Variants in ASTN2 observed in about 807,000 individuals in gnomAD.
ASTN2 encodes the protein astrotactin 2.
Under a neutral mutation model 139.8 loss-of-function variants are expected in ASTN2, and 54 were observed. That is an observed-to-expected ratio of 0.39 (90% CI 0.31 to 0.48). ASTN2 has a LOEUF of 0.48. ASTN2 is among the 20% of genes least tolerant of loss of function. ASTN2 has a pLI of 0.95. For missense variants in ASTN2, 1,565 were observed against 1,725.1 expected (o/e 0.91, Z 1.64); for synonymous variants, 756 against 719.5 (o/e 1.05, Z -0.81).
At chr9:116,993,155 G>A (rs988235090) in intron 7 of ASTN2, among the ~76,000 whole-genome samples, 2 of 152,162 alleles carry the variant, frequency 1.3e-5, no homozygotes, top group African/African-American at 4.8e-5. Context: ...TTTTTACAAT[G>A]TTCTGCAAGG....
chr9:116,974,387 T>C (rs1281347900), intron 10 of ASTN2, among the ~76,000 whole-genome samples: 2 of 152,106 alleles, frequency 1.3e-5, no homozygotes, highest in African/African-American at 4.8e-5. Context: ...TATGTAAGCA[T>C]CTAATTAGTA....
chr9:117,128,659 G>A (rs1829759687), intron 4 of ASTN2, among the ~76,000 whole-genome samples: 1 of 152,224 alleles, frequency 6.6e-6, no homozygotes, highest in African/African-American at 2.4e-5. Flanking sequence ...CTCCTCCATA[G>A]TTAGCTTGGC....
At position 117,132,954 on chromosome 9, in the gene ASTN2, C is replaced by G. The variant is rs116268823; in HGVS notation, c.1168+8372G>C. On this transcript the variant is annotated intron_variant, in intron 4 of 22. Coordinates refer to ENST00000313400, the MANE Select transcript of ASTN2 (RefSeq NM_001365068.1). The stretch of plus-strand genomic sequence containing the variant: ...CCTGGACAAAAGAATGGCAGATATT[C>G]TCACATCCCCAGATACTGGGGATGA... Among the ~76,000 whole-genome samples the G allele has an allele frequency of 6.5e-3, 986 of 152,248 alleles. 9 individuals are homozygous for G. Among genetic ancestry groups the G allele is most frequent in the African/African-American group, 0.022 (930 of 41,540 alleles).
intron 19 of ASTN2, chr9:116,551,966 C>T (rs1852369149): frequency 6.6e-6 from 1 of 152,130 alleles, no homozygotes; most frequent in Non-Finnish European, 1.5e-5. Flanking sequence ...AATGATATGT[C>T]CAAAAGATTC....
chr9:117,082,284 A>G (rs892375274), intron 5 of ASTN2, among the ~76,000 whole-genome samples: 2 of 152,088 alleles, frequency 1.3e-5, no homozygotes, highest in Non-Finnish European at 2.9e-5. Flanking sequence ...CCCAGTCCCT[A>G]TGCTGGAAAC....
At chr9:117,148,283 T>G (rs1439932302) in intron 3 of ASTN2, among the ~76,000 whole-genome samples, 1 of 152,172 alleles carries the variant, frequency 6.6e-6, no homozygotes, top group Non-Finnish European at 1.5e-5. Flanking sequence ...GTCTGCAGGG[T>G]TCTTGGGACG....
At position 117,034,465 on chromosome 9, in the gene ASTN2, G is replaced by A. The variant is rs149695369; in HGVS notation, c.1423+5354C>T. Reference sequence around the variant, plus strand: ...GAGGCAGCTCCATTAGTAGGGCATTGATAAAGTCAAAGGTGGAGGAAACCA... The same window carrying A: ...GAGGCAGCTCCATTAGTAGGGCATTAATAAAGTCAAAGGTGGAGGAAACCA... On this transcript the variant is annotated intron_variant, in intron 6 of 22. Coordinates refer to ENST00000313400, the MANE Select transcript of ASTN2 (RefSeq NM_001365068.1). Among the ~76,000 whole-genome samples the A allele has an allele frequency of 2.0e-5, 3 of 152,260 alleles. No individual in the cohort carries two copies. The East Asian group carries it at 5.8e-4, about 29-fold the overall frequency.
chr9:117,125,055 G>A (rs61350479), intron 4 of ASTN2, among the ~76,000 whole-genome samples: 1,746 of 152,242 alleles, frequency 0.011, 33 homozygotes, highest in Middle Eastern at 0.075. Context: ...AAATCAAATG[G>A]CACATGAATA....
intron 11 of ASTN2, among the ~76,000 whole-genome samples, chr9:116,822,575 A>G (rs1390821824): frequency 6.6e-6 from 1 of 151,964 alleles, no homozygotes; most frequent in Non-Finnish European, 1.5e-5. Flanking sequence ...AGAATGACTG[A>G]TTTTCTGACC....
chr9:117,067,660 G>C (rs1369128993), intron 5 of ASTN2, among the ~76,000 whole-genome samples: 1 of 139,822 alleles, frequency 7.2e-6, no homozygotes, highest in South Asian at 2.5e-4. Context: ...TCTTCCATTT[G>C]TTTGTATCCT....
chr9:116,744,438 G>A (rs1829180979), intron 13 of ASTN2, among the ~76,000 whole-genome samples: 1 of 152,154 alleles, frequency 6.6e-6, no homozygotes, highest in Non-Finnish European at 1.5e-5. Context: ...AAGACTGCCT[G>A]ACTACAGGGT....
intron 6 of ASTN2, among the ~76,000 whole-genome samples, chr9:117,032,189 G>C (rs1251595086): frequency 1.3e-5 from 2 of 152,102 alleles, no homozygotes; most frequent in African/African-American, 4.8e-5. Flanking sequence ...ATTGAAGAAG[G>C]TTTTCTAGAG....
At chr9:116,632,687 G>T (rs1856867256) in intron 17 of ASTN2, among the ~76,000 whole-genome samples, 1 of 152,088 alleles carries the variant, frequency 6.6e-6, no homozygotes, top group Non-Finnish European at 1.5e-5. Context: ...AGCCTATAAT[G>T]CCTTTATTCT....
At chr9:116,803,503 TATATATATATATATATA>T (rs1300375558) in intron 13 of ASTN2, among the ~76,000 whole-genome samples, 7 of 6,486 alleles carry the variant, frequency 1.1e-3, no homozygotes, top group South Asian at 5.6e-3. Flanking sequence ...TATATATATA[TATATATATATATATATA>T]TATTTTTTTT....
chr9:116,616,485 C>T (rs1464330361), intron 19 of ASTN2, among the ~76,000 whole-genome samples: 3 of 152,192 alleles, frequency 2.0e-5, no homozygotes, highest in Non-Finnish European at 2.9e-5. Flanking sequence ...TAAGACAGAC[C>T]TGGTTACAAA....
At chr9:117,311,656 A>C (rs1285962991) in intron 1 of ASTN2, among the ~76,000 whole-genome samples, 1 of 152,168 alleles carries the variant, frequency 6.6e-6, no homozygotes, top group Non-Finnish European at 1.5e-5. Context: ...CTCTCCAAAA[A>C]AAACCTCTTT....
intron 10 of ASTN2, among the ~76,000 whole-genome samples, chr9:116,893,735 T>G (rs1833818921): frequency 6.6e-6 from 1 of 152,086 alleles, no homozygotes; most frequent in African/African-American, 2.4e-5. Context: ...TAGTAATTAT[T>G]TCCCTTTATG....
chr9:116,571,009 C>T (rs1853484148), intron 19 of ASTN2, among the ~76,000 whole-genome samples: 1 of 152,162 alleles, frequency 6.6e-6, no homozygotes, highest in African/African-American at 2.4e-5. Flanking sequence ...GCAACATTTG[C>T]TGCCTAGAGA....
At chr9:117,071,716 C>T (rs1287912196) in intron 5 of ASTN2, among the ~76,000 whole-genome samples, 3 of 149,564 alleles carry the variant, frequency 2.0e-5, no homozygotes, top group Non-Finnish European at 3.0e-5. Flanking sequence ...TCTCATGGTG[C>T]GCCGTTTCTT....
Sources: gnomAD v4.1 joint callset for allele counts (sites outside exome capture counted in the v4.1 genomes callset) on GRCh38, gnomAD v4.1.1 for gene constraint, MANE v1.5 for transcripts, NCBI Gene and HGNC (gene_info 2026-07-23, HGNC 2026-07-21) for gene names.